PTPRT: variants seen among roughly 807,000 people sequenced by gnomAD.
The protein encoded by PTPRT is receptor-type tyrosine-protein phosphatase T.
PTPRT carries 56 observed loss-of-function variants against 176.8 expected under a neutral mutation model. The observed-to-expected ratio is 0.32, with a 90% CI of 0.26 to 0.40. The LOEUF (loss-of-function observed/expected upper bound fraction) is 0.40, where lower values mean the gene tolerates loss of function less well. Ranked by LOEUF, PTPRT falls within the 10% of genes least tolerant of loss-of-function variation. PTPRT has a pLI of 1.00. For missense variants in PTPRT, 1,540 were observed against 1,908.2 expected (o/e 0.81, Z 3.60); for synonymous variants, 783 against 739.0 (o/e 1.06, Z -0.96).
intron 1 of PTPRT, among the ~76,000 whole-genome samples, chr20:43,065,764 G>C (rs962313848): frequency 3.9e-5 from 6 of 152,342 alleles, no homozygotes; most frequent in African/African-American, 1.4e-4. Flanking sequence ...GTCTAAGAGG[G>C]AAGACAAGGT....
intron 13 of PTPRT, among the ~76,000 whole-genome samples, chr20:42,255,583 T>C (rs1407475653): frequency 6.6e-6 from 1 of 152,196 alleles, no homozygotes; most frequent in Non-Finnish European, 1.5e-5. Context: ...GCAAGGCCCA[T>C]ATCAGGCTTG....
chr20:42,576,103 G>T lies in PTPRT; in HGVS notation c.1153+101763C>A, dbSNP rs553322239. 2.4e-4 allele frequency among the ~76,000 whole-genome samples: 37 copies of T among 152,080 alleles called. 1 individual carries two copies. The highest frequency in any genetic ancestry group is 1.3e-4 in the Admixed American group (2 of 15,268). ...TTTACCCCTCTATCCATTACACTAC[G>T]ATCCAGCTGGGGTAAGTGCCTGTTG... On this transcript the variant is annotated intron_variant, in intron 7 of 30. Transcript: ENST00000373187.
At chr20:42,110,607 G>T in intron 22 of PTPRT, 120 bp from the exon 23 acceptor site, 1 of 1,067,700 alleles carries the variant, frequency 9.4e-7, no homozygotes, top group Non-Finnish European at 1.3e-6. Flanking sequence ...CCCTCACAGT[G>T]TTTGTTAATA....
chr20:42,446,966 T>A (rs764254516), intron 9 of PTPRT, among the ~76,000 whole-genome samples: 3 of 152,126 alleles, frequency 2.0e-5, no homozygotes, highest in African/African-American at 7.2e-5. Flanking sequence ...AGATAAGGTG[T>A]TTTCTTAAGC....
intron 25 of PTPRT, among the ~76,000 whole-genome samples, chr20:42,103,543 G>A (rs1268535530): frequency 6.6e-6 from 1 of 152,166 alleles, no homozygotes; most frequent in Non-Finnish European, 1.5e-5. Flanking sequence ...TCGGCTCACT[G>A]CAACCTCCGC....
At chr20:42,466,239 T>C (rs769601613) in intron 8 of PTPRT, among the ~76,000 whole-genome samples, 3 of 152,226 alleles carry the variant, frequency 2.0e-5, no homozygotes, top group Non-Finnish European at 4.4e-5. Context: ...ATCTTTATAA[T>C]AGAATGATTT....
chr20:42,308,994 TGGA>T (rs1287218643), intron 12 of PTPRT, among the ~76,000 whole-genome samples: 1 of 152,206 alleles, frequency 6.6e-6, no homozygotes, highest in African/African-American at 2.4e-5. Context: ...GTTCAAGAAC[TGGA>T]GGAGGAAGTA....
chr20:42,811,122 T>G (rs2077691301), intron 2 of PTPRT, among the ~76,000 whole-genome samples: 1 of 152,220 alleles, frequency 6.6e-6, no homozygotes, highest in Non-Finnish European at 1.5e-5. Context: ...GAAAGATTAC[T>G]TTATTGTTAT....
At chr20:43,022,701 T>G (rs1020926780) in intron 1 of PTPRT, among the ~76,000 whole-genome samples, 19 of 151,712 alleles carry the variant, frequency 1.3e-4, no homozygotes, top group African/African-American at 4.1e-4. Flanking sequence ...GGAGGCGGAG[T>G]GAAAGCTAGA....
At chr20:42,059,911 C>T in the PTPRT span, among the ~76,000 whole-genome samples, 1 of 152,178 alleles carries the variant, frequency 6.6e-6, no homozygotes, top group African/African-American at 2.4e-5. Context: ...GTCATGGAGA[C>T]TTTGGTTTTC....
At chr20:42,581,247 G>A (rs992923937) in intron 7 of PTPRT, among the ~76,000 whole-genome samples, 1 of 151,928 alleles carries the variant, frequency 6.6e-6, no homozygotes, top group Non-Finnish European at 1.5e-5. Context: ...TCCTCAATGA[G>A]GCCTACTCTT....
chr20:43,174,126 CCAT>C (rs1254536775), intron 1 of PTPRT, among the ~76,000 whole-genome samples: 4 of 152,178 alleles, frequency 2.6e-5, no homozygotes, highest in African/African-American at 9.7e-5. Context: ...CTAATTTTCT[CCAT>C]AAGTATGAAT....
intron 15 of PTPRT, among the ~76,000 whole-genome samples, chr20:42,204,292 T>G (rs1345803404): frequency 7.0e-6 from 1 of 142,800 alleles, no homozygotes; most frequent in Non-Finnish European, 1.5e-5. Flanking sequence ...TATAGCATGT[T>G]GAAGAAGAAA....
chr20:43,102,363 T>C (rs1352915301), intron 1 of PTPRT, among the ~76,000 whole-genome samples: 1 of 151,920 alleles, frequency 6.6e-6, no homozygotes, highest in Non-Finnish European at 1.5e-5. Flanking sequence ...TTTAAATGTG[T>C]ACAACTAGTT....
At chr20:42,702,090 A>C (rs1487842261) in intron 6 of PTPRT, among the ~76,000 whole-genome samples, 2 of 152,066 alleles carry the variant, frequency 1.3e-5, no homozygotes, top group East Asian at 3.9e-4. Context: ...CTTAACCTCA[A>C]ATTTCCCACA....
intron 11 of PTPRT, among the ~76,000 whole-genome samples, chr20:42,344,329 C>T (rs558468250): frequency 6.6e-6 from 1 of 152,316 alleles, no homozygotes; most frequent in African/African-American, 2.4e-5. Context: ...AAAATAAGTA[C>T]CTGCTTCCAG....
chr20:42,985,378 C>T (rs974805783), intron 1 of PTPRT, among the ~76,000 whole-genome samples: 1 of 152,032 alleles, frequency 6.6e-6, no homozygotes, highest in Admixed American at 6.5e-5. Context: ...GCCTGTAATC[C>T]CAGCTACTCG....
intron 7 of PTPRT, among the ~76,000 whole-genome samples, chr20:42,569,156 C>T (rs1006100474): frequency 6.9e-5 from 9 of 130,660 alleles, no homozygotes; most frequent in Middle Eastern, 0.011. Flanking sequence ...AAGTATTTTA[C>T]ACAGCATAGC....
chr20:42,047,924 C>G, the PTPRT span, among the ~76,000 whole-genome samples: 1 of 152,174 alleles, frequency 6.6e-6, no homozygotes, highest in Non-Finnish European at 1.5e-5. Flanking sequence ...ATCTGGTAGC[C>G]TAGGCTCTGC....
Sources: gnomAD v4.1 joint callset for allele counts (sites outside exome capture counted in the v4.1 genomes callset) on GRCh38, gnomAD v4.1.1 for gene constraint, MANE v1.5 for transcripts, NCBI Gene and HGNC (gene_info 2026-07-23, HGNC 2026-07-21) for gene names.